STS: variants seen among roughly 807,000 people sequenced by gnomAD.
STS encodes steroid sulfatase, also known as steryl-sulfatase.
A neutral mutation model predicts 26.8 loss-of-function variants in STS; 7 were observed. The ratio of observed to expected loss-of-function variants is 0.26; its 90% confidence interval spans 0.15 to 0.49. STS has a LOEUF of 0.49. Among genes scored for constraint, STS ranks in the 20% least tolerant of loss-of-function variants. The pLI is 0.98. For missense variants in STS, 434 were observed against 465.6 expected, an observed-to-expected ratio of 0.93 and a Z score of 0.63; for synonymous variants, 199 against 189.4, an observed-to-expected ratio of 1.05 and a Z score of -0.42.
chrX:7,171,128 G>A (rs1250123308), intron 1 of STS, among the ~76,000 whole-genome samples: 3 of 111,375 alleles, frequency 2.7e-5, no homozygotes, highest in Non-Finnish European at 5.7e-5. Context: ...GCAGTTTGTC[G>A]CCACCTGTTG....
At chrX:7,188,554 T>G (rs1374537416) in intron 1 of STS, among the ~76,000 whole-genome samples, 1 of 111,729 alleles carries the variant, frequency 9.0e-6, no homozygotes, top group Non-Finnish European at 1.9e-5. Flanking sequence ...GCCTTTAGAT[T>G]TTCCATTGTG....
chrX:7,224,552 C>T (rs1446016120), intron 2 of STS, among the ~76,000 whole-genome samples: 2 of 111,610 alleles, frequency 1.8e-5, no homozygotes, highest in South Asian at 3.9e-4. Flanking sequence ...CCCCAGAGAG[C>T]TCCCTCATTC....
At chrX:7,332,583 G>C (rs988658366) in intron 9 of STS, among the ~76,000 whole-genome samples, 5 of 111,000 alleles carry the variant, frequency 4.5e-5, no homozygotes, top group Non-Finnish European at 9.4e-5. Flanking sequence ...CTCCCCTTCA[G>C]GTCACTTTTC....
At chrX:7,209,395 A>G (rs1233216116) in intron 2 of STS, among the ~76,000 whole-genome samples, 1 of 106,584 alleles carries the variant, frequency 9.4e-6, no homozygotes, top group Non-Finnish European at 1.9e-5. Flanking sequence ...ATGCATATAT[A>G]TGTATTTATA....
At chrX:7,173,939 G>A (rs1334902306) in intron 1 of STS, among the ~76,000 whole-genome samples, 1 of 111,964 alleles carries the variant, frequency 8.9e-6, no homozygotes, top group Non-Finnish European at 1.9e-5. Flanking sequence ...ATCTATAATG[G>A]TAAATGACCA....
At chrX:7,339,066 A>G (rs1156475540) in intron 10 of STS, among the ~76,000 whole-genome samples, 10 of 111,892 alleles carry the variant, frequency 8.9e-5, no homozygotes, top group Non-Finnish European at 1.5e-4. Context: ...CTCACTGTCT[A>G]GCATTTTCAT....
chrX:7,286,406 G>A (rs1170334720), intron 7 of STS, among the ~76,000 whole-genome samples: 4 of 111,088 alleles, frequency 3.6e-5, no homozygotes, highest in East Asian at 5.7e-4. Flanking sequence ...TTGCACACCC[G>A]TATTGCTGAG....
intron 2 of STS, among the ~76,000 whole-genome samples, chrX:7,206,241 G>A (rs1472216845): frequency 2.1e-4 from 23 of 112,002 alleles, no homozygotes; most frequent in African/African-American, 7.5e-4. Flanking sequence ...TCTATTAGCT[G>A]AAGATTGGGA....
intron 1 of STS, among the ~76,000 whole-genome samples, chrX:7,164,653 G>A (rs1402538346): frequency 9.1e-6 from 1 of 109,670 alleles, no homozygotes; most frequent in East Asian, 2.8e-4. Flanking sequence ...TATGGCTTGC[G>A]GCTATTAAAC....
At chrX:7,174,918 C>G (rs1933536016) in intron 1 of STS, among the ~76,000 whole-genome samples, 1 of 111,126 alleles carries the variant, frequency 9.0e-6, no homozygotes, top group African/African-American at 3.3e-5. Context: ...CGTTTGATCT[C>G]ATCAGGCCCA....
chrX:7,163,052 G>A (rs1439495164), intron 1 of STS, among the ~76,000 whole-genome samples: 2 of 49,113 alleles, frequency 4.1e-5, no homozygotes, highest in Non-Finnish European at 7.2e-5. Flanking sequence ...GCAAGACTCC[G>A]TCTCAAAAAA....
intron 8 of STS, among the ~76,000 whole-genome samples, chrX:7,305,989 A>G (rs926543922): frequency 2.7e-5 from 3 of 111,695 alleles, no homozygotes; most frequent in African/African-American, 6.5e-5. Context: ...TGAACCCACA[A>G]TAGTATTTTG....
At chrX:7,153,384 C>T (rs887798321) in intron 1 of STS, among the ~76,000 whole-genome samples, 2 of 97,470 alleles carry the variant, frequency 2.1e-5, no homozygotes, top group Non-Finnish European at 4.1e-5. Context: ...CTCCCTCTCT[C>T]ATTCCTTCCC....
At chrX:7,196,510 T>C (rs1933974365) in intron 2 of STS, among the ~76,000 whole-genome samples, 1 of 58,395 alleles carries the variant, frequency 1.7e-5, no homozygotes, top group African/African-American at 7.2e-5. Context: ...ACTGTACTGA[T>C]GTAAAAAAAA....
intron 2 of STS, among the ~76,000 whole-genome samples, chrX:7,248,896 AAAT>A (rs760519706): frequency 4.5e-4 from 50 of 111,155 alleles, no homozygotes; most frequent in African/African-American, 1.6e-3. Context: ...TATTTAAAAA[AAAT>A]AATAATCTAC....
intron 2 of STS, among the ~76,000 whole-genome samples, chrX:7,193,912 TA>T (rs1261962487): frequency 2.7e-5 from 3 of 111,164 alleles, no homozygotes; most frequent in Non-Finnish European, 5.7e-5. Flanking sequence ...ATATTATTAT[TA>T]TTTTTTTTGA....
At position 7,227,087 on chromosome X, in the gene STS, A is replaced by C. The variant is rs1308070863; in HGVS notation, c.-4-26109A>C. On this transcript the variant is annotated intron_variant, in intron 2 of 10. Coordinates refer to ENST00000674429, the MANE Select transcript of STS (RefSeq NM_001320752.2). ...ATTTATTTGCTTATTAGCCTTTTGT[A>C]TATCTTCTTGTATAAAGTGCATATT... 4.5e-5 allele frequency among the ~76,000 whole-genome samples: 5 copies of C among 111,882 alleles called. No individual in the cohort carries two copies. In the South Asian group the frequency reaches 1.5e-3, roughly 33 times the overall value.
At chrX:7,343,359 A>G (rs926575889) in intron 10 of STS, among the ~76,000 whole-genome samples, 7 of 112,392 alleles carry the variant, frequency 6.2e-5, no homozygotes, top group Non-Finnish European at 1.1e-4. Context: ...GTATTACAGT[A>G]GCAACAGATT....
chrX:7,148,080 T>G lies in STS; in HGVS notation c.-137T>G. 31 of 1,131,695 alleles carry G rather than the reference T, an allele frequency of 2.7e-5. No homozygotes were observed. Among genetic ancestry groups the G allele is most frequent in the Non-Finnish European group, 3.5e-5 (30 of 854,074 alleles). The allele number at this position is 1,131,695 out of a possible 1,213,427, so 93.3% of individuals were successfully genotyped here. A position where few individuals can be genotyped will look rare whatever the true frequency, so the allele number is the denominator to read the frequency against. On this transcript the variant is annotated 5_prime_UTR_variant, in exon 1 of 11. An upstream start codon of the reference 5' UTR is lost. Coordinates refer to ENST00000674429, the MANE Select transcript of STS (RefSeq NM_001320752.2). The stretch of plus-strand genomic sequence containing the variant: ...AGAAGAAGTCCGTCCATGTCAAAGA[T>G]GAGGTGGGTGACGGGCTGCGGGGGC...
Sources: gnomAD v4.1 joint callset for allele counts (sites outside exome capture counted in the v4.1 genomes callset) on GRCh38, gnomAD v4.1.1 for gene constraint, MANE v1.5 for transcripts, NCBI Gene and HGNC (gene_info 2026-07-23, HGNC 2026-07-21) for gene names.